The following KPNA3 variants were observed in gnomAD, a reference collection of about 807,000 sequenced individuals.
KPNA3 encodes the protein importin subunit alpha-4.
Under a neutral mutation model 73.8 loss-of-function variants are expected in KPNA3, and 13 were observed. The ratio of observed to expected loss-of-function variants is 0.18; its 90% CI spans 0.11 to 0.28. The LOEUF is 0.28. KPNA3 is among the 10% of genes least tolerant of loss of function. The probability of loss-of-function intolerance (pLI) is 1.00; values close to 1 mark genes in which losing one functional copy is unlikely to be tolerated. For missense variants in KPNA3, 360 were observed against 618.1 expected, an observed-to-expected ratio of 0.58 and a Z score of 4.43; for synonymous variants, 186 against 206.9, an observed-to-expected ratio of 0.90 and a Z score of 0.87.
chr13:49,761,374 G>A (rs542830272), intron 1 of KPNA3, among the ~76,000 whole-genome samples: 223 of 152,294 alleles, frequency 1.5e-3, no homozygotes, highest in African/African-American at 4.8e-3. Flanking sequence ...GAGTGCCTGC[G>A]ATTGCAGGCG....
At chr13:49,756,424 G>T (rs1954712469) in intron 1 of KPNA3, among the ~76,000 whole-genome samples, 1 of 152,194 alleles carries the variant, frequency 6.6e-6, no homozygotes, top group Non-Finnish European at 1.5e-5. Flanking sequence ...AGGTATGGAG[G>T]CAAGTGTTTA....
chr13:49,776,822 A>C (rs1286101147), intron 1 of KPNA3, among the ~76,000 whole-genome samples: 4 of 152,212 alleles, frequency 2.6e-5, no homozygotes, highest in African/African-American at 9.6e-5. Flanking sequence ...AAAGCACCTC[A>C]ATAAGCATTC....
chr13:49,768,851 C>T (rs1440805698), intron 1 of KPNA3, among the ~76,000 whole-genome samples: 1 of 152,120 alleles, frequency 6.6e-6, no homozygotes, highest in Non-Finnish European at 1.5e-5. Flanking sequence ...GACTCACTTT[C>T]TTTGTAGCTG....
chr13:49,784,115 A>G (rs956223016), intron 1 of KPNA3, among the ~76,000 whole-genome samples: 12 of 152,142 alleles, frequency 7.9e-5, no homozygotes, highest in Admixed American at 7.2e-4. Context: ...TGGACATGGT[A>G]GTGTGCACCT....
chr13:49,737,085 G>A (rs2137559642), intron 2 of KPNA3, among the ~76,000 whole-genome samples: 1 of 152,166 alleles, frequency 6.6e-6, no homozygotes, highest in South Asian at 2.1e-4. Flanking sequence ...ACATATTACA[G>A]TATGTCTATT....
intron 1 of KPNA3, among the ~76,000 whole-genome samples, chr13:49,788,521 C>G (rs372044187): frequency 8.1e-4 from 123 of 152,130 alleles, no homozygotes; most frequent in African/African-American, 2.9e-3. Context: ...CAGTTTGAAA[C>G]CAGCCTGGGC....
chr13:49,731,658 T>C (rs908351601), intron 6 of KPNA3, among the ~76,000 whole-genome samples: 2 of 151,962 alleles, frequency 1.3e-5, no homozygotes, highest in Admixed American at 6.6e-5. Context: ...TAGATGCTCT[T>C]AAATGCAAAA....
intron 15 of KPNA3, among the ~76,000 whole-genome samples, chr13:49,704,589 C>T (rs1954188933): frequency 6.6e-6 from 1 of 151,554 alleles, no homozygotes; most frequent in African/African-American, 2.4e-5. Context: ...ATAAAGTAGT[C>T]AATGAAATGT....
In KPNA3 at chr13:49,700,260, G is replaced by A. The variant is rs1954135301; in HGVS notation, c.*1540C>T. Reference sequence around the variant, plus strand: ...CACCCCAGCTGATTCACAAAGCTCTGATGGCATCTGTCTCATCTTCATCAC... The same window carrying A: ...CACCCCAGCTGATTCACAAAGCTCTAATGGCATCTGTCTCATCTTCATCAC... On this transcript the variant is annotated 3_prime_UTR_variant, in exon 17 of 17. Coordinates refer to ENST00000261667, the MANE Select transcript of KPNA3 (RefSeq NM_002267.4). 1 of 152,546 alleles carries A rather than the reference G, an allele frequency of 6.6e-6. No individual in the cohort carries two copies. Among genetic ancestry groups the A allele is most frequent in the African/African-American group, 2.4e-5 (1 of 41,432 alleles). The allele number at this position is 152,546 out of a possible 1,614,324, so 9.4% of individuals were successfully genotyped here. A position where few individuals can be genotyped will look rare whatever the true frequency, so the allele number is the denominator to read the frequency against.
intron 1 of KPNA3, among the ~76,000 whole-genome samples, chr13:49,789,057 C>G (rs578070248): frequency 2.0e-5 from 3 of 152,200 alleles, no homozygotes; most frequent in Non-Finnish European, 4.4e-5. Context: ...GACAACAGCG[C>G]TATTTCTCCA....
At chr13:49,758,092 G>C (rs553501937) in intron 1 of KPNA3, among the ~76,000 whole-genome samples, 2 of 151,786 alleles carry the variant, frequency 1.3e-5, no homozygotes, top group African/African-American at 4.8e-5. Flanking sequence ...ACATGATGGG[G>C]AATCAATAGA....
intron 11 of KPNA3, among the ~76,000 whole-genome samples, chr13:49,710,122 T>C (rs1405630174): frequency 1.3e-5 from 2 of 152,078 alleles, no homozygotes; most frequent in Non-Finnish European, 2.9e-5. Flanking sequence ...AATTAGCTGG[T>C]GTGATGGTGC....
chr13:49,732,841 T>C, intron 3 of KPNA3, 65 bp from the exon 4 acceptor site: 3 of 1,368,726 alleles, frequency 2.2e-6, no homozygotes, highest in Non-Finnish European at 3.1e-6. Context: ...TTAAACAGTG[T>C]ACCTGAGTTA....
chr13:49,759,433 G>A lies in KPNA3; in HGVS notation c.70-12440C>T, dbSNP rs368487329. On this transcript the variant is annotated intron_variant, in intron 1 of 16. Transcript: ENST00000261667. The stretch of plus-strand genomic sequence containing the variant: ...GAAGTAGAAGGAGTGGTTTCAGGAT[G>A]ATTCAAGTGCATGACATTTATTGTG... 2.7e-4 allele frequency among the ~76,000 whole-genome samples: 41 copies of A among 152,260 alleles called. No homozygotes were observed. The East Asian group carries it at 4.8e-3, about 18-fold the overall frequency.
intron 9 of KPNA3, among the ~76,000 whole-genome samples, chr13:49,720,788 A>AT (rs897516315): frequency 1.5e-4 from 23 of 150,464 alleles, no homozygotes; most frequent in East Asian, 9.8e-4. Flanking sequence ...GTTATGTAGG[A>AT]TTTTTTTTTA....
intron 1 of KPNA3, among the ~76,000 whole-genome samples, chr13:49,761,678 G>A (rs1355060009): frequency 1.1e-4 from 17 of 151,624 alleles, no homozygotes; most frequent in African/African-American, 3.7e-4. Context: ...GGGAAGTGAG[G>A]AGCGTCTCTG....
chr13:49,753,170 A>AT (rs1954681201), intron 1 of KPNA3, among the ~76,000 whole-genome samples: 2 of 151,950 alleles, frequency 1.3e-5, no homozygotes, highest in African/African-American at 4.8e-5. Context: ...AAAACTATAA[A>AT]TCAAAAAAAA....
chr13:49,749,047 A>G (rs888977928), intron 1 of KPNA3, among the ~76,000 whole-genome samples: 4 of 152,218 alleles, frequency 2.6e-5, no homozygotes, highest in Non-Finnish European at 4.4e-5. Context: ...TTTCATTGCA[A>G]TATTTGCAAC....
At chr13:49,733,211 T>C (rs1954486119) in intron 2 of KPNA3, among the ~76,000 whole-genome samples, 165 bp from the exon 3 acceptor site, 1 of 151,952 alleles carries the variant, frequency 6.6e-6, no homozygotes, top group African/African-American at 2.4e-5. Flanking sequence ...AAGGGTCACA[T>C]TCTGGCTTCG....
Sources: allele counts gnomAD v4.1 joint callset (sites outside exome capture counted in the v4.1 genomes callset), GRCh38; gene constraint gnomAD v4.1.1; transcripts MANE v1.5; gene names NCBI Gene and HGNC (gene_info 2026-07-23, HGNC 2026-07-21).